The following VPS26C variants were observed in gnomAD, a reference collection of about 807,000 sequenced individuals.
The protein encoded by VPS26C is VPS26 endosomal protein sorting factor C, also known as vacuolar protein sorting-associated protein 26C.
Under a neutral mutation model 30.6 loss-of-function variants are expected in VPS26C, and 19 were observed. That is an observed-to-expected ratio of 0.62 (90% CI 0.43 to 0.91). The LOEUF is 0.91. Among genes scored for constraint, VPS26C ranks in the 40% least tolerant of loss-of-function variants. The pLI is 0.00. For missense variants in VPS26C, 318 were observed against 385.1 expected, an observed-to-expected ratio of 0.83 and a Z score of 1.46; for synonymous variants, 132 against 151.5, an observed-to-expected ratio of 0.87 and a Z score of 0.95.
chr21:37,261,375 A>G (rs2086301943), intron 1 of VPS26C: 1 of 152,056 alleles, frequency 6.6e-6, no homozygotes, highest in African/African-American at 2.4e-5. Context: ...GCATTCCCCA[A>G]TGTTTCTTTT....
intron 6 of VPS26C, 58 bp from the exon 7 acceptor site, chr21:37,227,864 T>C: frequency 6.3e-7 from 1 of 1,596,898 alleles, no homozygotes; most frequent in Non-Finnish European, 8.5e-7. Flanking sequence ...GGGGTCCACA[T>C]CCGCACCGGC....
chr21:37,228,177 G>C (rs1260508103), intron 6 of VPS26C, 46 bp downstream of exon 6: 1 of 1,592,676 alleles, frequency 6.3e-7, no homozygotes, highest in Admixed American at 1.7e-5. Flanking sequence ...GAGGGTGGCA[G>C]TCGAGGGGGA....
chr21:37,259,315 A>G (rs1325983149), intron 1 of VPS26C, among the ~76,000 whole-genome samples: 2 of 152,024 alleles, frequency 1.3e-5, no homozygotes, highest in Non-Finnish European at 2.9e-5. Context: ...AATTACGGGC[A>G]TGCCCAATTA....
intron 5 of VPS26C, chr21:37,230,515 G>A (rs1375759628): frequency 6.6e-6 from 1 of 152,184 alleles, no homozygotes; most frequent in Admixed American, 6.5e-5. Context: ...ACCACCAGTG[G>A]CATTTTGTGA....
At position 37,233,341 on chromosome 21, in the gene VPS26C, G is replaced by C. The variant is rs1225947669; in HGVS notation, c.432+21C>G. The C allele has an allele frequency of 6.2e-7, 1 of 1,606,278 alleles. No individual in the cohort carries two copies. Among genetic ancestry groups the C allele is most frequent in the Non-Finnish European group, 8.5e-7 (1 of 1,172,886 alleles). On this transcript the variant is annotated intron_variant, in intron 4 of 7. Coordinates refer to ENST00000309117, the MANE Select transcript of VPS26C (RefSeq NM_006052.2). The surrounding 1 kb of genome is among the most constrained non-coding windows in gnomAD (Gnocchi z 5.2). ...GGGAGATTCCTATCATTAAGCACCA[G>C]AGTCCCCGAGTGAAGCTTACAGCGG...
chr21:37,267,352 G>T, upstream of VPS26C: 4 of 1,509,676 alleles, frequency 2.6e-6, no homozygotes, highest in Non-Finnish European at 3.7e-6. Flanking sequence ...GGGAAACAAG[G>T]GGCGCCTCCC....
At chr21:37,254,414 C>A (rs2086222256) in intron 1 of VPS26C, among the ~76,000 whole-genome samples, 1 of 152,136 alleles carries the variant, frequency 6.6e-6, no homozygotes, top group Non-Finnish European at 1.5e-5. Context: ...GGAGGATCAC[C>A]TGAAACCAGG....
intron 1 of VPS26C, chr21:37,266,694 A>C (rs1340905545): frequency 1.3e-5 from 2 of 153,962 alleles, no homozygotes; most frequent in Non-Finnish European, 2.9e-5. Context: ...CCTTTGTGTC[A>C]GTCGAAGAAT....
chr21:37,258,448 A>C (rs966028030), intron 1 of VPS26C, among the ~76,000 whole-genome samples: 1 of 152,176 alleles, frequency 6.6e-6, no homozygotes, highest in Non-Finnish European at 1.5e-5. Context: ...AGCGCCCCGA[A>C]CCTGATGAAC....
At chr21:37,248,190 G>A (rs904406787) in intron 1 of VPS26C, among the ~76,000 whole-genome samples, 1 of 151,906 alleles carries the variant, frequency 6.6e-6, no homozygotes, top group Non-Finnish European at 1.5e-5. Flanking sequence ...GAAGACCTAC[G>A]TCACATATCA....
intron 5 of VPS26C, chr21:37,229,197 C>T: frequency 6.5e-6 from 1 of 153,434 alleles, no homozygotes. Context: ...TGGTCTAGAG[C>T]AGGGGTGTCC....
At chr21:37,259,226 A>C (rs950136274) in intron 1 of VPS26C, among the ~76,000 whole-genome samples, 23 of 152,190 alleles carry the variant, frequency 1.5e-4, no homozygotes, top group Middle Eastern at 3.4e-3. Flanking sequence ...AAACAAAAAA[A>C]CTAGCATTTT....
Position 37,267,305 on chromosome 21 carries a change from C to G in VPS26C, c.-11G>C. On this transcript the variant is annotated 5_prime_UTR_variant, in exon 1 of 8. Coordinates refer to ENST00000309117, the MANE Select transcript of VPS26C (RefSeq NM_006052.2). ...CAGGGCGGTCCCCATCTCCAATTCT[C>G]CGCAGCAGCCGCCACTTCCGGCTGC... is the stretch of plus-strand genomic sequence containing the variant. 3 of 1,551,094 alleles carry G rather than the reference C, an allele frequency of 1.9e-6. No homozygotes were observed. Among genetic ancestry groups the G allele is most frequent in the South Asian group, 2.2e-5 (2 of 90,384 alleles).
At chr21:37,236,479 A>G (rs2086026088) in intron 3 of VPS26C, among the ~76,000 whole-genome samples, 1 of 152,252 alleles carries the variant, frequency 6.6e-6, no homozygotes, top group Admixed American at 6.5e-5. Flanking sequence ...ATACTTGAGA[A>G]TTTTTACAAA....
chr21:37,262,465 C>T lies in VPS26C; in HGVS notation c.57+4773G>A, dbSNP rs551993002. Among the ~76,000 whole-genome samples, 5 of 152,256 alleles carry T rather than the reference C, an allele frequency of 3.3e-5. No individual in the cohort carries two copies. The South Asian group carries it at 1.0e-3, about 32-fold the overall frequency. ...TTGAGCACTTGATCATCTTTTTAAT[C>T]ATCTTTTATTTTATATATTTGCCTA... On this transcript the variant is annotated intron_variant, in intron 1 of 7. Coordinates refer to ENST00000309117, the MANE Select transcript of VPS26C (RefSeq NM_006052.2).
chr21:37,254,227 G>T (rs979699275), intron 1 of VPS26C, among the ~76,000 whole-genome samples: 2 of 152,200 alleles, frequency 1.3e-5, no homozygotes, highest in Non-Finnish European at 2.9e-5. Context: ...TATGAATCAC[G>T]ATAGTGCAGC....
In VPS26C at chr21:37,225,459, G is replaced by T; in HGVS notation, c.*85C>A. The T allele has an allele frequency of 8.8e-7, 1 of 1,138,262 alleles. No homozygotes were observed. Among genetic ancestry groups the T allele is most frequent in the South Asian group, 1.3e-5 (1 of 79,968 alleles). The allele number at this position is 1,138,262 out of a possible 1,614,324, so 70.5% of individuals were successfully genotyped here. A position where few individuals can be genotyped will look rare whatever the true frequency, so the allele number is the denominator to read the frequency against. ...ATAATCACAAAAACAAGTATATGCC[G>T]CTGGCTGTAGCTCCCCTTAGGATTT... On this transcript the variant is annotated 3_prime_UTR_variant, in exon 8 of 8. Transcript: ENST00000309117.
At chr21:37,238,284 A>T in intron 3 of VPS26C, 176 bp downstream of exon 3, 1 of 688,638 alleles carries the variant, frequency 1.5e-6, no homozygotes, top group Non-Finnish European at 2.3e-6. Flanking sequence ...TAACGGCCAT[A>T]CATCAAATGC....
rs528681645 is a variant in VPS26C at position 37,235,075 on chromosome 21, C to T, written c.352-1633G>A. The stretch of plus-strand genomic sequence containing the variant: ...AGGCTGGAGTGCGATGGCGTGATCT[C>T]GGCTCACTGCAAACTCTGCCTCCTG... On this transcript the variant is annotated intron_variant, in intron 3 of 7. Coordinates refer to ENST00000309117, the MANE Select transcript of VPS26C (RefSeq NM_006052.2). Among the ~76,000 whole-genome samples the T allele has an allele frequency of 1.9e-3, 288 of 151,838 alleles. 1 individual carries two copies. Among genetic ancestry groups the T allele is most frequent in the Non-Finnish European group, 2.7e-3 (184 of 67,936 alleles).
Sources: allele counts gnomAD v4.1 joint callset (sites outside exome capture counted in the v4.1 genomes callset), GRCh38; gene constraint gnomAD v4.1.1; non-coding constraint Gnocchi (gnomAD v3.1); transcripts MANE v1.5; gene names NCBI Gene and HGNC (gene_info 2026-07-23, HGNC 2026-07-21).